Variants in ANXA9 observed in about 807,000 individuals in gnomAD.
The protein encoded by ANXA9 is annexin 31.
ANXA9 carries 47 observed loss-of-function variants against 51.8 expected under a neutral mutation model. The observed-to-expected ratio is 0.91, with a 90% CI of 0.72 to 1.16. The LOEUF (loss-of-function observed/expected upper bound fraction) is 1.16. ANXA9 is among the 50% of genes most tolerant of loss of function. The probability of loss-of-function intolerance (pLI) is 0.00; values close to 1 mark genes in which losing one functional copy is unlikely to be tolerated. For missense variants in ANXA9, 361 were observed against 424.7 expected (o/e 0.85, Z 1.32); for synonymous variants, 154 against 168.7 (o/e 0.91, Z 0.68).
chr1:150,995,484 AT>A lies in ANXA9; in HGVS notation c.*166del, dbSNP rs1444554822. 1 of 605,450 alleles carries A rather than the reference AT, an allele frequency of 1.7e-6. No homozygotes were observed. Among genetic ancestry groups the A allele is most frequent in the African/African-American group, 1.9e-5 (1 of 51,572 alleles). 37.5% of individuals were successfully genotyped at this position (605,450 alleles called of 1,614,324 possible). Reference sequence around the variant, plus strand: ...GGAACTGTTTCTTTAAAATCCCTTAATTTTCCCATCTCAAAATTATATCTGT... The same window carrying A: ...GGAACTGTTTCTTTAAAATCCCTTAATTTCCCATCTCAAAATTATATCTGT... On this transcript the variant is annotated 3_prime_UTR_variant, in exon 14 of 14. Transcript: ENST00000368947.
chr1:150,982,291 C>G (rs1394229233), upstream of ANXA9: 1 of 152,720 alleles, frequency 6.5e-6, no homozygotes, highest in African/African-American at 2.4e-5. Flanking sequence ...CCCCCACTTT[C>G]CTCTACCAGG....
upstream of ANXA9, among the ~76,000 whole-genome samples, chr1:150,981,299 C>A (rs2102784465): frequency 6.6e-6 from 1 of 152,266 alleles, no homozygotes; most frequent in African/African-American, 2.4e-5. Context: ...TGTAGGAATG[C>A]CAGTGAAGGC....
Position 150,983,323 on chromosome 1 carries a change from C to T in ANXA9, c.76-15C>T. 6.2e-7 allele frequency: 1 copy of T among 1,613,288 alleles called. No homozygotes were observed. Among genetic ancestry groups the T allele is most frequent in the Non-Finnish European group, 8.5e-7 (1 of 1,179,574 alleles). On this transcript the variant is annotated splice_polypyrimidine_tract_variant and intron_variant, in intron 3 of 13. Coordinates refer to ENST00000368947, the MANE Select transcript of ANXA9 (RefSeq NM_003568.3). ...CCTGGCCCTGGCCCTTGCCAACTAC[C>T]CTGTGCTCCCACAGACTGCAGCGTG...
chr1:150,980,320 C>T (rs1304458595), upstream of ANXA9, among the ~76,000 whole-genome samples: 9 of 151,386 alleles, frequency 5.9e-5, no homozygotes, highest in South Asian at 2.1e-4. Flanking sequence ...CGCTTGAACC[C>T]GGGAGGTGGA....
At position 150,984,036 on chromosome 1, in the gene ANXA9, C is replaced by T; in HGVS notation, c.234C>T (p.Leu78=). Residue 78 remains leucine (L), a synonymous_variant, in exon 5 of 14, where the codon CTC becomes CTT. Coordinates refer to ENST00000368947, the MANE Select transcript of ANXA9 (RefSeq NM_003568.3). ...ACCGGAGCAGAGAGCAAAGGCAGCT[C>T]ATCTCACGAAACTTCCAGGAGCGCA... is the stretch of plus-strand genomic sequence containing the variant. ...LTNRSREQRQ[L]ISRNFQERTQ... 3.7e-6 allele frequency: 6 copies of T among 1,611,794 alleles called. No homozygotes were observed. The highest frequency in any genetic ancestry group is 5.1e-6 in the Non-Finnish European group (6 of 1,179,412).
upstream of ANXA9, among the ~76,000 whole-genome samples, chr1:150,979,125 A>G (rs143046091): frequency 7.9e-5 from 12 of 151,448 alleles, no homozygotes; most frequent in African/African-American, 2.9e-4. Flanking sequence ...AGGGAGAGGA[A>G]TGAGTTTGTA....
intron 7 of ANXA9, 122 bp from the exon 8 acceptor site, chr1:150,986,214 C>A: frequency 1.3e-6 from 1 of 764,894 alleles, no homozygotes; most frequent in Non-Finnish European, 2.2e-6. Flanking sequence ...AGCCATCAAG[C>A]TACTCCAAGC....
chr1:150,993,633 C>CTTTTTTTTT (rs35186445), intron 12 of ANXA9, among the ~76,000 whole-genome samples: 1 of 104,174 alleles, frequency 9.6e-6, no homozygotes, highest in Non-Finnish European at 1.8e-5. Flanking sequence ...TTCTTTCTTT[C>CTTTTTTTTT]TTTTTTTTTT....
At chr1:150,980,572 CT>C (rs869295630), upstream of ANXA9, among the ~76,000 whole-genome samples, 4,694 of 89,060 alleles carry the variant, frequency 0.053, 72 homozygotes, top group African/African-American at 0.2. Flanking sequence ...ACACAGATTA[CT>C]TTTTTTTTTT....
At chr1:150,993,409 A>C (rs931535216) in intron 12 of ANXA9, among the ~76,000 whole-genome samples, 4 of 151,688 alleles carry the variant, frequency 2.6e-5, no homozygotes, top group Non-Finnish European at 5.9e-5. Context: ...CCCAGGTTCA[A>C]GCAATTCTCC....
chr1:150,983,973 A>G lies in ANXA9; in HGVS notation c.173-2A>G. 1 of 1,611,782 alleles carries G rather than the reference A, an allele frequency of 6.2e-7. No individual in the cohort carries two copies. The highest frequency in any genetic ancestry group is 8.5e-7 in the Non-Finnish European group (1 of 1,179,140). ...CACAGCACAGCCCTCATCTCGGTTC[A>G]GGCGTGGACCGCAGTGCCATTGTGG... On this transcript the variant is annotated splice_acceptor_variant, in intron 4 of 13. Coordinates refer to ENST00000368947, the MANE Select transcript of ANXA9 (RefSeq NM_003568.3). LOFTEE classifies it high-confidence loss of function.
In ANXA9 at chr1:150,984,059, G is replaced by A. The variant is rs147042782; in HGVS notation, c.257G>A (p.Arg86His). The stretch of plus-strand genomic sequence containing the variant: ...CTCATCTCACGAAACTTCCAGGAGC[G>A]CACCCAACAGGTGAGGCCATGCTGA... ...RQLISRNFQE[R>H]TQQDLMKSLQ... is the part of the protein sequence containing the mutation. Residue 86 changes from arginine to histidine, a missense_variant, in exon 5 of 14, where the codon CGC (arginine) becomes CAC (histidine). Transcript: ENST00000368947. The A allele has an allele frequency of 3.7e-6, 6 of 1,610,768 alleles. No individual in the cohort carries two copies. Among genetic ancestry groups the A allele is most frequent in the East Asian group, 2.2e-5 (1 of 44,848 alleles).
intron 2 of ANXA9, 109 bp from the exon 3 acceptor site, chr1:150,982,981 G>A: frequency 1.3e-6 from 1 of 741,078 alleles, no homozygotes; most frequent in Admixed American, 2.8e-5. Context: ...TCTGCAGCAA[G>A]GAAAGGAACA....
At chr1:150,978,007 A>G (rs1256456394), upstream of ANXA9, among the ~76,000 whole-genome samples, 1 of 151,990 alleles carries the variant, frequency 6.6e-6, no homozygotes, top group Non-Finnish European at 1.5e-5. Flanking sequence ...ATGGTGGCAC[A>G]TGCCTGTAGT....
In ANXA9 at chr1:150,995,402, C is replaced by T; in HGVS notation, c.*80C>T. The T allele has an allele frequency of 5.8e-6, 8 of 1,384,214 alleles. No homozygotes were observed. Among genetic ancestry groups the T allele is most frequent in the Non-Finnish European group, 7.9e-6 (8 of 1,007,858 alleles). The allele number at this position is 1,384,214 out of a possible 1,614,324, so 85.7% of individuals were successfully genotyped here. A position where few individuals can be genotyped will look rare whatever the true frequency, so the allele number is the denominator to read the frequency against. Reference sequence around the variant, plus strand: ...GCTGAACCTGGGAGACCAGCTGGGCCTCCAAGTAGGATAACCCCTCACTGA... The same window carrying T: ...GCTGAACCTGGGAGACCAGCTGGGCTTCCAAGTAGGATAACCCCTCACTGA... On this transcript the variant is annotated 3_prime_UTR_variant, in exon 14 of 14. Coordinates refer to ENST00000368947, the MANE Select transcript of ANXA9 (RefSeq NM_003568.3).
intron 12 of ANXA9, among the ~76,000 whole-genome samples, chr1:150,990,946 C>T (rs1254631435): frequency 6.6e-6 from 1 of 152,036 alleles, no homozygotes; most frequent in Admixed American, 6.6e-5. Flanking sequence ...AGATCGAGAC[C>T]ATCCTGGCTA....
chr1:150,978,500 C>T (rs138253284), upstream of ANXA9, among the ~76,000 whole-genome samples: 298 of 152,180 alleles, frequency 2.0e-3, no homozygotes, highest in Non-Finnish European at 3.2e-3. Flanking sequence ...ACAGTGGAGG[C>T]GGTGTATGTG....
intron 12 of ANXA9, among the ~76,000 whole-genome samples, chr1:150,989,428 C>G (rs587673446): frequency 6.6e-6 from 1 of 151,982 alleles, no homozygotes; most frequent in South Asian, 2.1e-4. Flanking sequence ...CAGTGGCTCA[C>G]GCCTATAATC....
In ANXA9 at chr1:150,984,322, G is replaced by A; in HGVS notation, c.309G>A (p.Leu103=). The A allele has an allele frequency of 6.2e-7, 1 of 1,614,174 alleles. No homozygotes were observed. Among genetic ancestry groups the A allele is most frequent in the South Asian group, 1.1e-5 (1 of 91,076 alleles). Residue 103 remains leucine (L), a synonymous_variant, in exon 6 of 14, where the codon CTG becomes CTA. Coordinates refer to ENST00000368947, the MANE Select transcript of ANXA9 (RefSeq NM_003568.3). ...KSLQAALSGN[L]ERIVMALLQP... is the part of the protein sequence containing the mutation. The stretch of plus-strand genomic sequence containing the variant: ...TACAGGCAGCACTTTCCGGCAACCT[G>A]GAGAGGATTGTGATGGCTCTGCTGC...
Sources: allele counts gnomAD v4.1 joint callset (sites outside exome capture counted in the v4.1 genomes callset), GRCh38; gene constraint gnomAD v4.1.1; transcripts MANE v1.5; gene names NCBI Gene and HGNC (gene_info 2026-07-23, HGNC 2026-07-21).